The following URI1 variants were observed in gnomAD, a reference collection of about 807,000 sequenced individuals.
URI1 encodes the protein unconventional prefoldin RPB5 interactor 1.
Under a neutral mutation model 60.2 loss-of-function variants are expected in URI1, and 39 were observed. That is an observed-to-expected ratio of 0.65 (90% CI 0.50 to 0.85). URI1 has a LOEUF of 0.85. URI1 is among the 40% of genes least tolerant of loss of function. The pLI is 0.00. For synonymous variants in URI1, 251 were observed against 236.8 expected, an observed-to-expected ratio of 1.06 and a Z score of -0.55; for missense variants, 691 against 665.9, an observed-to-expected ratio of 1.04 and a Z score of -0.42.
rs1379454082 is a variant in URI1, at chr19:29,935,768, C to G, written c.63+12014C>G. On this transcript the variant is annotated intron_variant, in intron 1 of 10. Transcript: ENST00000360605. ...TGCCTCTGGGCCTCTGGTTCCTTTT[C>G]TTTTCTTTTCTTTTCTTTTCTCTTT... Among the ~76,000 whole-genome samples the G allele has an allele frequency of 0.019, 61 of 3,166 alleles. 1 individual carries two copies. The South Asian group carries it at 0.26, about 14-fold the overall frequency. The allele number at this position is 3,166 out of a possible 152,430, so 2.1% of individuals were successfully genotyped here.
intron 1 of URI1, among the ~76,000 whole-genome samples, chr19:29,959,232 C>T (rs2055290822): frequency 6.6e-6 from 1 of 151,928 alleles, no homozygotes; most frequent in Non-Finnish European, 1.5e-5. Flanking sequence ...TCAGGTGATC[C>T]TCTCGCCTCA....
chr19:30,005,732 T>A (rs760529036), intron 6 of URI1, 24 bp downstream of exon 6: 1 of 1,596,358 alleles, frequency 6.3e-7, no homozygotes, highest in Middle Eastern at 1.9e-4. Flanking sequence ...TTGTTTTATG[T>A]GTAGCTGTTT....
Position 29,942,534 on chromosome 19 carries a change from C to G in URI1, c.-14C>G. The G allele has an allele frequency of 7.2e-7, 1 of 1,388,198 alleles. No individual in the cohort carries two copies. Among genetic ancestry groups the G allele is most frequent in the Non-Finnish European group, 9.3e-7 (1 of 1,070,860 alleles). The allele number at this position is 1,388,198 out of a possible 1,614,324, so 86.0% of individuals were successfully genotyped here. On this transcript the variant is annotated 5_prime_UTR_variant, in exon 1 of 11. Coordinates refer to ENST00000392271, the MANE Select transcript of URI1 (RefSeq NM_003796.3). ...TCAGGACTCACACGCCGCGCTGAGG[C>G]CCGCGGGCCCGTCATGGAGGCGCCC...
chr19:30,005,628 C>A (rs767328700), intron 5 of URI1, 23 bp from the exon 6 acceptor site: 1 of 1,583,102 alleles, frequency 6.3e-7, no homozygotes, highest in African/African-American at 1.4e-5. Context: ...TGTTAATACG[C>A]TTTTTTTTTG....
Position 29,961,664 on chromosome 19 carries a change from C to CT in URI1, c.118-9519dup, listed in dbSNP as rs1341999009. On this transcript the variant is annotated intron_variant, in intron 1 of 10. Transcript: ENST00000392271. ...TTGGTTTAAGTATCTGCTTTTGATT[C>CT]TTTTTTTTTTGTTTTTTTTTTTTTT... Among the ~76,000 whole-genome samples, 878 of 109,194 alleles carry CT rather than the reference C, an allele frequency of 8.0e-3. 13 individuals carry two copies. Among genetic ancestry groups the CT allele is most frequent in the African/African-American group, 0.029 (826 of 28,294 alleles). 71.6% of individuals were successfully genotyped at this position (109,194 alleles called of 152,430 possible). A position where few individuals can be genotyped will look rare whatever the true frequency, so the allele number is the denominator to read the frequency against.
At chr19:29,973,692 G>A (rs2055487311) in intron 2 of URI1, among the ~76,000 whole-genome samples, 2 of 151,842 alleles carry the variant, frequency 1.3e-5, no homozygotes, top group Admixed American at 1.3e-4. Context: ...GGGACCACAG[G>A]ATCTACCCAA....
At chr19:29,936,690 C>T (rs147038748) in intron 1 of URI1, among the ~76,000 whole-genome samples, 28 of 152,284 alleles carry the variant, frequency 1.8e-4, no homozygotes, top group Admixed American at 5.2e-4. Flanking sequence ...TCAGGAACTT[C>T]TACTATGCAT....
intron 1 of URI1, chr19:29,956,894 C>CCCCAGAGGAA: frequency 7.9e-7 from 1 of 1,271,414 alleles, no homozygotes; most frequent in Non-Finnish European, 1.1e-6. Context: ...CCGCAGGGTT[C>CCCCAGAGGAA]CTCTGGGGCC....
intron 1 of URI1, among the ~76,000 whole-genome samples, chr19:29,962,030 A>C (rs150079811): frequency 5.5e-4 from 84 of 152,288 alleles, no homozygotes; most frequent in African/African-American, 1.9e-3. Flanking sequence ...TTTCTGGATC[A>C]TATGGTAATT....
At chr19:29,930,146 C>T (rs1256688523) in intron 1 of URI1, among the ~76,000 whole-genome samples, 1 of 151,998 alleles carries the variant, frequency 6.6e-6, no homozygotes, top group African/African-American at 2.4e-5. Flanking sequence ...ACCATGTTGG[C>T]CAGGCTGGTC....
intron 4 of URI1, among the ~76,000 whole-genome samples, chr19:29,999,570 G>T (rs931057843): frequency 6.6e-6 from 1 of 151,992 alleles, no homozygotes; most frequent in African/African-American, 2.4e-5. Flanking sequence ...TCTTGTTTGT[G>T]ATGAGTGGTT....
chr19:29,935,691 G>C (rs2112393), intron 1 of URI1, among the ~76,000 whole-genome samples: 118,439 of 143,322 alleles, frequency 0.83, 49,123 homozygotes, highest in Non-Finnish European at 0.91. Flanking sequence ...GAAATTCTTG[G>C]TTGACAGTCT....
intron 1 of URI1, among the ~76,000 whole-genome samples, chr19:29,926,567 C>A (rs888337901): frequency 6.6e-6 from 1 of 152,170 alleles, no homozygotes; most frequent in African/African-American, 2.4e-5. Flanking sequence ...CAGGCATGAG[C>A]CACCTCACCC....
chr19:29,935,719 A>G (rs1278106130), intron 1 of URI1, among the ~76,000 whole-genome samples: 1 of 122,852 alleles, frequency 8.1e-6, no homozygotes, highest in Non-Finnish European at 1.6e-5. Flanking sequence ...TTTTTTCCCC[A>G]GGACTTTAAC....
intron 3 of URI1, among the ~76,000 whole-genome samples, chr19:29,985,991 A>G (rs557048859): frequency 6.6e-6 from 1 of 152,346 alleles, no homozygotes; most frequent in East Asian, 1.9e-4. Flanking sequence ...AGTGAATGAA[A>G]AGTATAAACA....
intron 4 of URI1, among the ~76,000 whole-genome samples, chr19:29,994,904 C>T (rs535792239): frequency 6.6e-6 from 1 of 152,008 alleles, no homozygotes; most frequent in South Asian, 2.1e-4. Context: ...CCTCAGCCTC[C>T]TGAGTAGCTG....
At chr19:29,972,096 TG>T (rs2055467502) in intron 2 of URI1, among the ~76,000 whole-genome samples, 1 of 152,078 alleles carries the variant, frequency 6.6e-6, no homozygotes, top group Non-Finnish European at 1.5e-5. Flanking sequence ...TTATAGTTAG[TG>T]TATATCAAAT....
At chr19:29,998,017 G>A (rs1225233890) in intron 4 of URI1, among the ~76,000 whole-genome samples, 1 of 151,886 alleles carries the variant, frequency 6.6e-6, no homozygotes, top group African/African-American at 2.4e-5. Context: ...TGCCTGCCTC[G>A]GCCTCCTAAA....
At position 29,970,128 on chromosome 19, in the gene URI1, A is replaced by ATTTT. The variant is rs199739403; in HGVS notation, c.118-1040_118-1037dup. Among the ~76,000 whole-genome samples, 299 of 74,498 alleles carry ATTTT rather than the reference A, an allele frequency of 4.0e-3. 11 individuals carry two copies. The highest frequency in any genetic ancestry group is 0.013 in the African/African-American group (266 of 20,826). The allele number at this position is 74,498 out of a possible 152,430, so 48.9% of individuals were successfully genotyped here. A position where few individuals can be genotyped will look rare whatever the true frequency, so the allele number is the denominator to read the frequency against. The stretch of plus-strand genomic sequence containing the variant: ...GACAGGTCTAAAAAAAATCGTGTGT[A>ATTTT]TTTTTTTTTTTTTTTTTTTTTTTTT... On this transcript the variant is annotated intron_variant, in intron 1 of 10. Transcript: ENST00000392271.
Sources: allele counts gnomAD v4.1 joint callset (sites outside exome capture counted in the v4.1 genomes callset), GRCh38; gene constraint gnomAD v4.1.1; transcripts MANE v1.5; gene names NCBI Gene and HGNC (gene_info 2026-07-23, HGNC 2026-07-21).